ANKFN1: variants seen among roughly 807,000 people sequenced by gnomAD.
The protein encoded by ANKFN1 is ankyrin repeat and fibronectin type III domain containing 1.
ANKFN1 carries 74 observed loss-of-function variants against 108.7 expected under a neutral mutation model. The observed-to-expected ratio is 0.68, with a 90% CI of 0.56 to 0.83. The LOEUF is 0.83. Ranked by LOEUF, ANKFN1 falls within the 40% of genes least tolerant of loss-of-function variation. The probability of loss-of-function intolerance (pLI) is 0.00; values close to 1 mark genes in which losing one functional copy is unlikely to be tolerated. For missense variants in ANKFN1, 1,505 were observed against 1,382.3 expected (o/e 1.09, Z -1.41); for synonymous variants, 547 against 516.2 (o/e 1.06, Z -0.81).
chr17:56,142,566 A>G (rs903646443), intron 4 of ANKFN1, among the ~76,000 whole-genome samples: 2 of 152,162 alleles, frequency 1.3e-5, no homozygotes, highest in Non-Finnish European at 2.9e-5. Context: ...TGAAATTCAG[A>G]CCCTGGAAAA....
chr17:56,355,074 T>C (rs984014174), intron 6 of ANKFN1, among the ~76,000 whole-genome samples: 13 of 152,102 alleles, frequency 8.5e-5, no homozygotes, highest in African/African-American at 3.1e-4. Context: ...GTATTGTATA[T>C]TACAAAGTAG....
intron 1 of ANKFN1, among the ~76,000 whole-genome samples, chr17:56,168,995 A>G (rs558593568): frequency 6.6e-6 from 1 of 152,236 alleles, no homozygotes; most frequent in African/African-American, 2.4e-5. Context: ...TATGGAGGGA[A>G]CCGAGCCTGC....
intron 4 of ANKFN1, among the ~76,000 whole-genome samples, chr17:56,059,009 T>A (rs931812395): frequency 1.3e-5 from 2 of 152,212 alleles, no homozygotes; most frequent in Non-Finnish European, 2.9e-5. Context: ...GGAGTCACCA[T>A]ACTATCTTCC....
intron 11 of ANKFN1, 48 bp downstream of exon 11, chr17:56,449,234 G>A (rs375789940): frequency 4.1e-6 from 6 of 1,456,678 alleles, no homozygotes; most frequent in African/African-American, 1.6e-5. Context: ...TCTCGGTGGC[G>A]CCGGTAATTT....
chr17:56,262,819 A>G (rs938421322), intron 3 of ANKFN1, among the ~76,000 whole-genome samples: 1 of 151,106 alleles, frequency 6.6e-6, no homozygotes, highest in African/African-American at 2.5e-5. Flanking sequence ...CTCACAGAGC[A>G]GTAACACAGC....
At chr17:56,118,441 A>G (rs186302621) in intron 4 of ANKFN1, among the ~76,000 whole-genome samples, 3 of 152,296 alleles carry the variant, frequency 2.0e-5, no homozygotes, top group African/African-American at 7.2e-5. Flanking sequence ...AATATCTGTC[A>G]TAAAATCAAA....
chr17:56,259,284 T>A (rs951489375), intron 3 of ANKFN1, among the ~76,000 whole-genome samples: 1 of 152,166 alleles, frequency 6.6e-6, no homozygotes, highest in South Asian at 2.1e-4. Flanking sequence ...ATTTACAAAC[T>A]CTGTAATATT....
chr17:56,108,221 A>G (rs190499134), intron 4 of ANKFN1, among the ~76,000 whole-genome samples: 4 of 152,240 alleles, frequency 2.6e-5, no homozygotes, highest in Admixed American at 1.3e-4. Context: ...TTTTTAGTAG[A>G]GACGGGGTTT....
At chr17:56,376,690 T>C (rs2046957851) in intron 8 of ANKFN1, among the ~76,000 whole-genome samples, 1 of 152,292 alleles carries the variant, frequency 6.6e-6, no homozygotes, top group Middle Eastern at 3.4e-3. Flanking sequence ...CATTCACATA[T>C]TAACACTTCT....
chr17:56,446,460 C>T (rs1271992060), intron 10 of ANKFN1, among the ~76,000 whole-genome samples: 3 of 152,118 alleles, frequency 2.0e-5, no homozygotes, highest in Non-Finnish European at 2.9e-5. Context: ...TAAAGGATAC[C>T]GAGTGTTTAT....
chr17:56,095,444 G>T (rs572305810), intron 4 of ANKFN1, among the ~76,000 whole-genome samples: 1 of 150,726 alleles, frequency 6.6e-6, no homozygotes, highest in East Asian at 1.9e-4. Context: ...GGTGCATGCC[G>T]CCACACCCAG....
chr17:56,105,707 T>TGTCTG (rs1555594321), intron 4 of ANKFN1, among the ~76,000 whole-genome samples: 7 of 76,324 alleles, frequency 9.2e-5, no homozygotes, highest in Non-Finnish European at 2.4e-5. Context: ...GGGGGTTTTT[T>TGTCTG]TGTCTGTGTG....
chr17:56,217,962 C>T (rs1310292361), intron 2 of ANKFN1, among the ~76,000 whole-genome samples: 1 of 152,146 alleles, frequency 6.6e-6, no homozygotes, highest in African/African-American at 2.4e-5. Context: ...ACAAATTCAA[C>T]GTGTCTAAAA....
intron 4 of ANKFN1, among the ~76,000 whole-genome samples, chr17:56,120,775 C>A (rs1032578492): frequency 6.6e-6 from 1 of 152,062 alleles, no homozygotes; most frequent in African/African-American, 2.4e-5. Flanking sequence ...TATTACTTGC[C>A]ATTATCAGCT....
intron 4 of ANKFN1, among the ~76,000 whole-genome samples, chr17:56,098,191 A>G (rs991675706): frequency 6.6e-6 from 1 of 152,232 alleles, no homozygotes; most frequent in Non-Finnish European, 1.5e-5. Flanking sequence ...CCTAGAGCCT[A>G]GAGAAGGAGG....
intron 3 of ANKFN1, among the ~76,000 whole-genome samples, chr17:56,232,749 G>A (rs568098294): frequency 6.6e-6 from 1 of 152,048 alleles, no homozygotes; most frequent in Non-Finnish European, 1.5e-5. Context: ...CTCAGTAAAT[G>A]CTTACATTAA....
intron 4 of ANKFN1, among the ~76,000 whole-genome samples, chr17:56,143,697 G>A (rs780772862): frequency 2.6e-5 from 4 of 152,164 alleles, no homozygotes; most frequent in Admixed American, 6.5e-5. Flanking sequence ...TTTAGCATGG[G>A]CTATAAATCC....
chr17:56,403,024 T>C (rs998226799), intron 8 of ANKFN1, among the ~76,000 whole-genome samples: 1 of 152,210 alleles, frequency 6.6e-6, no homozygotes, highest in African/African-American at 2.4e-5. Flanking sequence ...CTTTTTGGAA[T>C]TGACTTCCAG....
intron 4 of ANKFN1, among the ~76,000 whole-genome samples, chr17:56,098,026 G>A (rs1905565330): frequency 6.6e-6 from 1 of 152,154 alleles, no homozygotes; most frequent in Non-Finnish European, 1.5e-5. Flanking sequence ...GGATTCTTGG[G>A]TGGGCTCTAA....
Sources: gnomAD v4.1 joint callset for allele counts (sites outside exome capture counted in the v4.1 genomes callset) on GRCh38, gnomAD v4.1.1 for gene constraint, MANE v1.5 for transcripts, NCBI Gene and HGNC (gene_info 2026-07-23, HGNC 2026-07-21) for gene names.